Variants in SMS observed in about 807,000 individuals in gnomAD.
SMS encodes spermine synthase.
In SMS, 3 loss-of-function variants were observed where a neutral mutation model predicts 33.0. The ratio of observed to expected loss-of-function variants is 0.09; its 90% CI spans 0.04 to 0.23. The LOEUF (loss-of-function observed/expected upper bound fraction) is 0.23. SMS is among the 10% of genes least tolerant of loss of function. The probability of loss-of-function intolerance (pLI) is 1.00; values close to 1 mark genes in which losing one functional copy is unlikely to be tolerated. For missense variants in SMS, 117 were observed against 288.6 expected (o/e 0.41, Z 4.31); for synonymous variants, 103 against 112.2 (o/e 0.92, Z 0.52).
rs1334821855 is a variant in SMS, at chrX:21,994,510, A to G, written c.*159A>G. 2.8e-6 allele frequency: 3 copies of G among 1,072,202 alleles called. No individual in the cohort carries two copies. The highest frequency in any genetic ancestry group is 3.6e-6 in the Non-Finnish European group (3 of 830,399). The allele number at this position is 1,072,202 out of a possible 1,213,427, so 88.4% of individuals were successfully genotyped here. A position where few individuals can be genotyped will look rare whatever the true frequency, so the allele number is the denominator to read the frequency against. On this transcript the variant is annotated 3_prime_UTR_variant, in exon 11 of 11. Transcript: ENST00000404933. ...ATTTAAAAAAGCAAATGGAAAATGT[A>G]TATTTTGATGAGCTTAGGGTGTTTT...
intron 1 of SMS, among the ~76,000 whole-genome samples, chrX:21,952,374 G>GT (rs1204209317): frequency 1.9e-5 from 2 of 104,712 alleles, no homozygotes; most frequent in Non-Finnish European, 3.9e-5. Flanking sequence ...TAAAATGTGG[G>GT]TTTTTTTCTT....
chrX:21,963,727 T>G (rs1406767983), intron 1 of SMS, among the ~76,000 whole-genome samples: 1 of 111,880 alleles, frequency 8.9e-6, no homozygotes, highest in East Asian at 2.8e-4. Flanking sequence ...GGGTCCTCGT[T>G]CACTGCACAG....
At chrX:21,945,602 G>A (rs1176318897) in intron 1 of SMS, among the ~76,000 whole-genome samples, 1 of 106,061 alleles carries the variant, frequency 9.4e-6, no homozygotes, top group Admixed American at 1.0e-4. Context: ...AACCCCCACC[G>A]TGTGGTATGG....
chrX:21,950,329 G>A (rs889136405), intron 1 of SMS, among the ~76,000 whole-genome samples: 2 of 110,808 alleles, frequency 1.8e-5, no homozygotes, highest in Non-Finnish European at 3.8e-5. Flanking sequence ...TTGTTCCTAC[G>A]TGGGGGTTTG....
intron 1 of SMS, among the ~76,000 whole-genome samples, chrX:21,966,249 T>G (rs1359841495): frequency 1.8e-5 from 2 of 112,581 alleles, no homozygotes; most frequent in Non-Finnish European, 3.7e-5. Flanking sequence ...TGTTTCATTT[T>G]GATATTTTTC....
chrX:21,943,637 G>C (rs1021805756), intron 1 of SMS, among the ~76,000 whole-genome samples: 19 of 110,186 alleles, frequency 1.7e-4, no homozygotes, highest in Non-Finnish European at 2.8e-4. Context: ...GTGTGTGTGG[G>C]GGGGTGGGGA....
In SMS at chrX:21,940,734, C is replaced by T; in HGVS notation, c.-91C>T. ...AGTCCTGGCCTCCCCGGGCGCAGCA[C>T]ACTCCCAGCCGGCCGCAGCCTGACA... On this transcript the variant is annotated 5_prime_UTR_variant, in exon 1 of 11. Coordinates refer to ENST00000404933, the MANE Select transcript of SMS (RefSeq NM_004595.5). The T allele has an allele frequency of 1.3e-6, 1 of 763,645 alleles. No individual in the cohort carries two copies. The highest frequency in any genetic ancestry group is 1.9e-6 in the Non-Finnish European group (1 of 539,884). 62.9% of individuals were successfully genotyped at this position (763,645 alleles called of 1,213,427 possible).
intron 7 of SMS, 95 bp downstream of exon 7, chrX:21,979,061 G>A: frequency 1.6e-6 from 1 of 618,742 alleles, no homozygotes; most frequent in East Asian, 3.3e-5. Context: ...TAGTATAGTT[G>A]GTTGAGAAGA....
chrX:21,958,214 T>A (rs1923104443), intron 1 of SMS, among the ~76,000 whole-genome samples: 1 of 112,359 alleles, frequency 8.9e-6, no homozygotes, highest in Non-Finnish European at 1.9e-5. Flanking sequence ...GTTTTTCTGA[T>A]GTTATCGTTA....
intron 1 of SMS, among the ~76,000 whole-genome samples, chrX:21,963,954 G>C (rs1569345948): frequency 9.0e-6 from 1 of 111,515 alleles, no homozygotes; most frequent in East Asian, 2.8e-4. Context: ...GGAAAGTTCT[G>C]CCTGGCTCAG....
At chrX:21,983,073 C>T (rs1925080007) in intron 7 of SMS, among the ~76,000 whole-genome samples, 1 of 111,219 alleles carries the variant, frequency 9.0e-6, no homozygotes, top group Non-Finnish European at 1.9e-5. Flanking sequence ...CTTGCTCTGT[C>T]ACTCAGGCTG....
rs1923791190 is a variant in SMS at position 21,967,180 on chromosome X, TC to T, written c.50-12del. On this transcript the variant is annotated splice_polypyrimidine_tract_variant and intron_variant, in intron 1 of 10. Coordinates refer to ENST00000404933, the MANE Select transcript of SMS (RefSeq NM_004595.5). ...TTTCTTTCTGACCATCTTGCCTTCT[TC>T]CCCTTGTTCTCCAGCTGATGGTGAG... 4.1e-6 allele frequency: 5 copies of T among 1,205,755 alleles called. No homozygotes were observed. In the African/African-American group the frequency reaches 8.8e-5, roughly 21 times the overall value.
In SMS at chrX:21,940,752, G is replaced by C. The variant is rs1409880294; in HGVS notation, c.-73G>C. ...CGCAGCACACTCCCAGCCGGCCGCA[G>C]CCTGACACGCCGCGCGGCCCCCCAG... On this transcript the variant is annotated 5_prime_UTR_variant, in exon 1 of 11. Transcript: ENST00000404933. 13 of 888,556 alleles carry C rather than the reference G, an allele frequency of 1.5e-5. No homozygotes were observed. In the South Asian group the frequency reaches 2.2e-4, roughly 15 times the overall value. The allele number at this position is 888,556 out of a possible 1,213,427, so 73.2% of individuals were successfully genotyped here.
chrX:21,978,427 T>C (rs1260508041), intron 6 of SMS, among the ~76,000 whole-genome samples: 1 of 111,033 alleles, frequency 9.0e-6, no homozygotes, highest in Non-Finnish European at 1.9e-5. Flanking sequence ...TTACAAAAAT[T>C]AGCCAGGCAT....
intron 1 of SMS, among the ~76,000 whole-genome samples, chrX:21,946,881 C>T (rs1184475829): frequency 9.0e-6 from 1 of 111,549 alleles, no homozygotes; most frequent in East Asian, 2.8e-4. Context: ...TCAGTTATGC[C>T]CACAAATTGT....
chrX:21,965,811 T>C (rs1481105047), intron 1 of SMS, among the ~76,000 whole-genome samples: 1 of 110,219 alleles, frequency 9.1e-6, no homozygotes, highest in Non-Finnish European at 1.9e-5. Context: ...TAAAAATTAG[T>C]TGGGCATGGT....
intron 9 of SMS, among the ~76,000 whole-genome samples, chrX:21,985,834 A>G (rs1925286668): frequency 9.0e-6 from 1 of 111,020 alleles, no homozygotes; most frequent in Admixed American, 9.7e-5. Flanking sequence ...GCCAGCCTGG[A>G]CAACATAGTA....
chrX:21,982,206 C>G (rs1320109462), intron 7 of SMS, among the ~76,000 whole-genome samples: 1 of 108,021 alleles, frequency 9.3e-6, no homozygotes, highest in Non-Finnish European at 1.9e-5. Flanking sequence ...GGCGTGGTGG[C>G]GGGCACCTGT....
At chrX:21,979,993 TTAG>T (rs1327090330) in intron 7 of SMS, among the ~76,000 whole-genome samples, 3 of 107,646 alleles carry the variant, frequency 2.8e-5, no homozygotes, top group African/African-American at 3.4e-5. Context: ...AAAAGAAACC[TTAG>T]TAGTAAAAAT....
Sources: gnomAD v4.1 joint callset for allele counts (sites outside exome capture counted in the v4.1 genomes callset) on GRCh38, gnomAD v4.1.1 for gene constraint, MANE v1.5 for transcripts, NCBI Gene and HGNC (gene_info 2026-07-23, HGNC 2026-07-21) for gene names.